Variants in NEK1 observed in about 807,000 individuals in gnomAD.
The protein encoded by NEK1 is NIMA related kinase 1.
In NEK1, 137 loss-of-function variants were observed where a neutral mutation model predicts 182.1. That is an observed-to-expected ratio of 0.75 (90% CI 0.65 to 0.87). The LOEUF (loss-of-function observed/expected upper bound fraction) is 0.87, where lower values mean the gene tolerates loss of function less well. Ranked by LOEUF, NEK1 falls within the 40% of genes least tolerant of loss-of-function variation. The pLI is 0.00. For synonymous variants in NEK1, 513 were observed against 492.2 expected, an observed-to-expected ratio of 1.04 and a Z score of -0.56; for missense variants, 1,391 against 1,494.4, an observed-to-expected ratio of 0.93 and a Z score of 1.14.
At chr4:169,434,202 GTTTT>G (rs70964203) in intron 28 of NEK1, among the ~76,000 whole-genome samples, 30 of 81,878 alleles carry the variant, frequency 3.7e-4, no homozygotes, top group African/African-American at 9.1e-4. Flanking sequence ...CACTCAAATA[GTTTT>G]TTTTTTTTTT....
At chr4:169,573,067 A>C (rs1282185511) in intron 12 of NEK1, among the ~76,000 whole-genome samples, 1 of 152,260 alleles carries the variant, frequency 6.6e-6, no homozygotes, top group East Asian at 1.9e-4. Flanking sequence ...TTCAGTAGAG[A>C]GAAAAAACTA....
At chr4:169,451,170 C>T (rs1741680031) in intron 27 of NEK1, among the ~76,000 whole-genome samples, 1 of 152,142 alleles carries the variant, frequency 6.6e-6, no homozygotes. Flanking sequence ...GACTTAGACT[C>T]CCACACAATA....
At chr4:169,462,355 T>A (rs1744123980) in intron 27 of NEK1, among the ~76,000 whole-genome samples, 1 of 152,142 alleles carries the variant, frequency 6.6e-6, no homozygotes, top group Non-Finnish European at 1.5e-5. Flanking sequence ...AACAAATTAA[T>A]TACAAACATA....
rs773095646 is a variant in NEK1, at chr4:169,406,785, G to T, written c.3223-38C>A. Reference sequence around the variant, plus strand: ...TCAACAAATTTCTTATTAGGAGAAAGATAATTAAAACATAAAAATGAGAGA... The same window carrying T: ...TCAACAAATTTCTTATTAGGAGAAATATAATTAAAACATAAAAATGAGAGA... On this transcript the variant is annotated intron_variant, in intron 31 of 35. Transcript: ENST00000507142. 2.0e-6 allele frequency: 3 copies of T among 1,499,596 alleles called. No homozygotes were observed. In the East Asian group the frequency reaches 7.1e-5, roughly 35 times the overall value. 92.9% of individuals were successfully genotyped at this position (1,499,596 alleles called of 1,614,324 possible). A position where few individuals can be genotyped will look rare whatever the true frequency, so the allele number is the denominator to read the frequency against.
At position 169,528,488 on chromosome 4, in the gene NEK1, T is replaced by C. The variant is rs143812244; in HGVS notation, c.1665+9321A>G. Among the ~76,000 whole-genome samples the C allele has an allele frequency of 2.5e-3, 374 of 152,274 alleles. 2 individuals are homozygous for C. Among genetic ancestry groups the C allele is most frequent in the Middle Eastern group, 6.8e-3 (2 of 294 alleles). Reference sequence around the variant, plus strand: ...ATAAATTTTTCCTCAAATGAGCTTCTAGATAAGAATGCATACTGGCTGACC... The same window carrying C: ...ATAAATTTTTCCTCAAATGAGCTTCCAGATAAGAATGCATACTGGCTGACC... On this transcript the variant is annotated intron_variant, in intron 19 of 35. Coordinates refer to ENST00000507142, the MANE Select transcript of NEK1 (RefSeq NM_001199397.3).
At chr4:169,510,291 C>A (rs902644117) in intron 19 of NEK1, among the ~76,000 whole-genome samples, 1 of 152,158 alleles carries the variant, frequency 6.6e-6, no homozygotes, top group African/African-American at 2.4e-5. Context: ...TGGGCAACTC[C>A]ACTCTTACGC....
intron 28 of NEK1, among the ~76,000 whole-genome samples, chr4:169,435,261 C>G (rs1738187237): frequency 4.6e-5 from 7 of 152,126 alleles, no homozygotes; most frequent in Admixed American, 1.3e-4. Flanking sequence ...AGCTCTCTGG[C>G]CTATTCTTAT....
At chr4:169,569,732 G>C (rs1764355940) in intron 12 of NEK1, among the ~76,000 whole-genome samples, 1 of 152,172 alleles carries the variant, frequency 6.6e-6, no homozygotes, top group Admixed American at 6.5e-5. Flanking sequence ...AACTGCGAGT[G>C]ATCCGCCAGC....
At chr4:169,604,556 C>T (rs1771023631) in intron 2 of NEK1, among the ~76,000 whole-genome samples, 1 of 152,188 alleles carries the variant, frequency 6.6e-6, no homozygotes, top group Admixed American at 6.5e-5. Flanking sequence ...TGTCGTGAAA[C>T]TCTTTTTAAA....
At chr4:169,584,105 T>C (rs1767125815) in intron 10 of NEK1, among the ~76,000 whole-genome samples, 2 of 152,226 alleles carry the variant, frequency 1.3e-5, no homozygotes, top group Non-Finnish European at 2.9e-5. Context: ...GTGATCAAAT[T>C]TTTATGAATA....
chr4:169,591,940 G>A (rs563154637), intron 5 of NEK1, among the ~76,000 whole-genome samples: 2 of 151,718 alleles, frequency 1.3e-5, no homozygotes, highest in African/African-American at 4.8e-5. Flanking sequence ...AGTACTGGCA[G>A]ACAAAATAAG....
At chr4:169,583,154 C>A (rs1766949280) in intron 10 of NEK1, among the ~76,000 whole-genome samples, 1 of 151,888 alleles carries the variant, frequency 6.6e-6, no homozygotes, top group South Asian at 2.1e-4. Flanking sequence ...GGTATCACAA[C>A]TACTCAGGAG....
intron 19 of NEK1, among the ~76,000 whole-genome samples, chr4:169,525,280 C>T (rs1756721025): frequency 6.6e-6 from 1 of 152,190 alleles, no homozygotes; most frequent in Admixed American, 6.5e-5. Context: ...AGGCACGCAC[C>T]ACCATGCCCA....
intron 2 of NEK1, among the ~76,000 whole-genome samples, chr4:169,607,359 T>A (rs1167041502): frequency 6.6e-6 from 1 of 152,184 alleles, no homozygotes; most frequent in Non-Finnish European, 1.5e-5. Context: ...GACTTGAAAG[T>A]AACCATGATT....
intron 19 of NEK1, among the ~76,000 whole-genome samples, chr4:169,527,911 T>C (rs1209685484): frequency 6.6e-6 from 1 of 151,742 alleles, no homozygotes; most frequent in African/African-American, 2.4e-5. Flanking sequence ...TAAAAACACA[T>C]AAAAAAACTA....
At chr4:169,494,546 C>T (rs937409152) in intron 23 of NEK1, among the ~76,000 whole-genome samples, 19 of 152,178 alleles carry the variant, frequency 1.2e-4, no homozygotes, top group South Asian at 4.2e-4. Context: ...TGAATAGTGC[C>T]GCAATAAACA....
intron 29 of NEK1, among the ~76,000 whole-genome samples, chr4:169,429,820 T>C (rs946986385): frequency 6.6e-6 from 1 of 152,198 alleles, no homozygotes; most frequent in African/African-American, 2.4e-5. Context: ...TCCCCATTTT[T>C]CCCTTGGACT....
intron 23 of NEK1, among the ~76,000 whole-genome samples, chr4:169,482,881 T>C (rs567324559): frequency 1.3e-5 from 2 of 152,228 alleles, no homozygotes; most frequent in African/African-American, 4.8e-5. Context: ...ATGATCCACC[T>C]GCCTCGGCCT....
At chr4:169,491,162 AAGAG>A (rs1554047306) in intron 23 of NEK1, among the ~76,000 whole-genome samples, 1 of 122,834 alleles carries the variant, frequency 8.1e-6, no homozygotes, top group African/African-American at 3.2e-5. Flanking sequence ...AAAAAAAAAA[AAGAG>A]AGATGGAGAA....
Sources: gnomAD v4.1 joint callset for allele counts (sites outside exome capture counted in the v4.1 genomes callset) on GRCh38, gnomAD v4.1.1 for gene constraint, MANE v1.5 for transcripts, NCBI Gene and HGNC (gene_info 2026-07-23, HGNC 2026-07-21) for gene names.